NECAP1: variants seen among roughly 807,000 people sequenced by gnomAD.
NECAP1 encodes the protein adaptin ear-binding coat-associated protein 1.
A neutral mutation model predicts 33.4 loss-of-function variants in NECAP1; 13 were observed. That is an observed-to-expected ratio of 0.39 (90% CI 0.25 to 0.62). NECAP1 has a LOEUF of 0.62. Among genes scored for constraint, NECAP1 ranks in the 20% least tolerant of loss-of-function variants. The probability of loss-of-function intolerance (pLI) is 0.52; values close to 1 mark genes in which losing one functional copy is unlikely to be tolerated. For missense variants in NECAP1, 272 were observed against 347.4 expected, an observed-to-expected ratio of 0.78 and a Z score of 1.73; for synonymous variants, 109 against 125.2, an observed-to-expected ratio of 0.87 and a Z score of 0.86.
intron 1 of NECAP1, chr12:8,082,757 T>TCTCTC: frequency 7.5e-6 from 1 of 134,060 alleles, no homozygotes; most frequent in Admixed American, 8.3e-5. Flanking sequence ...TCCTCATCCT[T>TCTCTC]TCTCTCTCTC....
At position 8,097,226 on chromosome 12, in the gene NECAP1, T is replaced by C. The variant is rs1352616075; in HGVS notation, c.*1136T>C. ...AGGGTATCTTAAAAGCAAGTTGTTCTCCCACTACTTTCCTTTCCCTCTGCC... is the reference window on the plus strand; with the variant it reads ...AGGGTATCTTAAAAGCAAGTTGTTCCCCCACTACTTTCCTTTCCCTCTGCC... On this transcript the variant is annotated 3_prime_UTR_variant, in exon 8 of 8. Transcript: ENST00000339754. 2.0e-5 allele frequency: 3 copies of C among 152,648 alleles called. No homozygotes were observed. The highest frequency in any genetic ancestry group is 2.9e-5 in the Non-Finnish European group (2 of 68,040). 9.5% of individuals were successfully genotyped at this position (152,648 alleles called of 1,614,324 possible).
chr12:8,082,480 C>T (rs1057334306), intron 1 of NECAP1, 97 bp downstream of exon 1: 1 of 1,114,372 alleles, frequency 9.0e-7, no homozygotes, highest in Non-Finnish European at 1.3e-6. Context: ...ACTACTACCT[C>T]TGTATTGTCA....
intron 7 of NECAP1, 161 bp downstream of exon 7, chr12:8,095,864 G>C (rs1184152642): frequency 2.8e-6 from 3 of 1,076,368 alleles, no homozygotes; most frequent in East Asian, 2.6e-5. Flanking sequence ...GGAATGGGGG[G>C]ACAAAAAAGC....
rs774097046 is a variant in NECAP1, at chr12:8,082,388, T to C, written c.95+5T>C. 6.2e-7 allele frequency: 1 copy of C among 1,613,012 alleles called. No individual in the cohort carries two copies. The highest frequency in any genetic ancestry group is 1.1e-5 in the South Asian group (1 of 91,028). On this transcript the variant is annotated splice_donor_5th_base_variant and intron_variant, in intron 1 of 7. Transcript: ENST00000339754. ...GGCCTCCAACCGCGGTTACAGGTAC[T>C]AACCCCGAGGCGCTGCCGCACACGC...
At position 8,096,352 on chromosome 12, in the gene NECAP1, A is replaced by G. The variant is rs753768942; in HGVS notation, c.*262A>G. 1 of 395,576 alleles carries G rather than the reference A, an allele frequency of 2.5e-6. No individual in the cohort carries two copies. Among genetic ancestry groups the G allele is most frequent in the Non-Finnish European group, 4.6e-6 (1 of 218,806 alleles). The allele number at this position is 395,576 out of a possible 1,614,324, so 24.5% of individuals were successfully genotyped here. A position where few individuals can be genotyped will look rare whatever the true frequency, so the allele number is the denominator to read the frequency against. ...GATCTTATCATAGTTTTGGCTGACT[A>G]TGCAGGGCTTAAAAGGCCAGCGTCT... On this transcript the variant is annotated 3_prime_UTR_variant, in exon 8 of 8. Coordinates refer to ENST00000339754, the MANE Select transcript of NECAP1 (RefSeq NM_015509.4).
At chr12:8,093,216 AC>A (rs1444190646) in intron 6 of NECAP1, 161 bp downstream of exon 6, 2 of 659,002 alleles carry the variant, frequency 3.0e-6, no homozygotes, top group African/African-American at 3.8e-5. Context: ...TTTCTAGTGA[AC>A]TAAGAGTCAT....
rs1004978737 is a variant in NECAP1 at position 8,097,778 on chromosome 12, T to A, written c.*1688T>A. 6.6e-6 allele frequency: 1 copy of A among 152,662 alleles called. No homozygotes were observed. Among genetic ancestry groups the A allele is most frequent in the African/African-American group, 2.4e-5 (1 of 41,468 alleles). 9.5% of individuals were successfully genotyped at this position (152,662 alleles called of 1,614,324 possible). A position where few individuals can be genotyped will look rare whatever the true frequency, so the allele number is the denominator to read the frequency against. On this transcript the variant is annotated 3_prime_UTR_variant, in exon 8 of 8. Transcript: ENST00000339754. ...TAAAAATATGAAAAAAGTGTCTCTT[T>A]TATCTTTTAATTTGCTTATTTGATT... is the stretch of plus-strand genomic sequence containing the variant.
chr12:8,085,301 A>G (rs772641003), intron 1 of NECAP1, among the ~76,000 whole-genome samples: 1 of 151,422 alleles, frequency 6.6e-6, no homozygotes, highest in African/African-American at 2.4e-5. Context: ...TACAGGCGTG[A>G]GCCACCGCAC....
At chr12:8,082,774 T>TCTCTCTCTCTCTCA (rs1400408491) in intron 1 of NECAP1, 1 of 141,342 alleles carries the variant, frequency 7.1e-6, no homozygotes, top group Non-Finnish European at 1.5e-5. Context: ...TCTCTCTCTC[T>TCTCTCTCTCTCTCA]CACACACACA....
intron 3 of NECAP1, 58 bp downstream of exon 3, chr12:8,090,357 C>G: frequency 7.1e-7 from 1 of 1,399,934 alleles, no homozygotes; most frequent in Non-Finnish European, 1.0e-6. Flanking sequence ...AATGCACAGC[C>G]ATGAAAAGTG....
At position 8,095,710 on chromosome 12, in the gene NECAP1, G is replaced by A; in HGVS notation, c.779+7G>A. The A allele has an allele frequency of 6.3e-7, 1 of 1,598,650 alleles. No homozygotes were observed. The highest frequency in any genetic ancestry group is 2.2e-5 in the East Asian group (1 of 44,804). On this transcript the variant is annotated splice_region_variant and intron_variant, in intron 7 of 7. Coordinates refer to ENST00000339754, the MANE Select transcript of NECAP1 (RefSeq NM_015509.4). The stretch of plus-strand genomic sequence containing the variant: ...ACTTCAGCACTGCCTCCAGGTAATG[G>A]GCATAGTGAAACTAGCATACTCTCA...
intron 1 of NECAP1, among the ~76,000 whole-genome samples, chr12:8,086,223 G>C (rs1947488904): frequency 1.3e-5 from 2 of 152,178 alleles, no homozygotes. Context: ...AGATTAGAGA[G>C]AATAATTGAT....
At chr12:8,091,736 C>T in intron 3 of NECAP1, 33 bp from the exon 4 acceptor site, 2 of 1,604,752 alleles carry the variant, frequency 1.2e-6, no homozygotes, top group Non-Finnish European at 8.5e-7. Context: ...ATAGAGGATA[C>T]TTCCTAGTCG....
At chr12:8,087,649 A>G (rs1407055878) in intron 1 of NECAP1, among the ~76,000 whole-genome samples, 1 of 151,612 alleles carries the variant, frequency 6.6e-6, no homozygotes, top group East Asian at 1.9e-4. Flanking sequence ...TTGGCCTCCC[A>G]AAGTGCTGGT....
Position 8,091,865 on chromosome 12 carries a change from T to C in NECAP1, c.383+15T>C, listed in dbSNP as rs1303574576. ...GATCACTTCAAGTGAGTGAAGCTTG[T>C]CCTTAGTTACGAGGCTGAATGCTTA... On this transcript the variant is annotated intron_variant, in intron 4 of 7. Coordinates refer to ENST00000339754, the MANE Select transcript of NECAP1 (RefSeq NM_015509.4). 3.1e-6 allele frequency: 5 copies of C among 1,608,038 alleles called. No individual in the cohort carries two copies. The highest frequency in any genetic ancestry group is 4.3e-6 in the Non-Finnish European group (5 of 1,175,866).
In NECAP1 at chr12:8,097,144, G is replaced by A. The variant is rs1379910530; in HGVS notation, c.*1054G>A. On this transcript the variant is annotated 3_prime_UTR_variant, in exon 8 of 8. Transcript: ENST00000339754. ...TATATTGTCATTTGTGAAGGAAGTT[G>A]GAGAGTCACAGCTTTACTGTGACAG... 2 of 152,574 alleles carry A rather than the reference G, an allele frequency of 1.3e-5. No individual in the cohort carries two copies. The highest frequency in any genetic ancestry group is 4.8e-5 in the African/African-American group (2 of 41,432). 9.5% of individuals were successfully genotyped at this position (152,574 alleles called of 1,614,324 possible). A position where few individuals can be genotyped will look rare whatever the true frequency, so the allele number is the denominator to read the frequency against.
At chr12:8,094,850 C>T (rs1253847477) in intron 6 of NECAP1, 1 of 152,274 alleles carries the variant, frequency 6.6e-6, no homozygotes, top group Non-Finnish European at 1.5e-5. Flanking sequence ...ACAAAGATCC[C>T]CTGTGTCAAC....
intron 3 of NECAP1, chr12:8,090,536 C>CT (rs1335223620): frequency 2.1e-6 from 1 of 466,862 alleles, no homozygotes; most frequent in African/African-American, 1.9e-5. Context: ...AAACACATAT[C>CT]TAACAAATGA....
intron 1 of NECAP1, among the ~76,000 whole-genome samples, chr12:8,088,275 G>A (rs1947510089): frequency 6.6e-6 from 1 of 152,106 alleles, no homozygotes; most frequent in Non-Finnish European, 1.5e-5. Context: ...CTCAAACTCA[G>A]CATATTTAAA....
Sources: allele counts gnomAD v4.1 joint callset (sites outside exome capture counted in the v4.1 genomes callset), GRCh38; gene constraint gnomAD v4.1.1; transcripts MANE v1.5; gene names NCBI Gene and HGNC (gene_info 2026-07-23, HGNC 2026-07-21).